The following SELENOW variants were observed in gnomAD, a reference collection of about 807,000 sequenced individuals.
SELENOW encodes selenoprotein W, 1.
Under a neutral mutation model 16.6 loss-of-function variants are expected in SELENOW, and 20 were observed. That is an observed-to-expected ratio of 1.21 (90% confidence interval 0.85 to 1.76). The LOEUF (loss-of-function observed/expected upper bound fraction) is 1.76, where lower values mean the gene tolerates loss of function less well. Among genes scored for constraint, SELENOW ranks in the 40% most tolerant of loss-of-function variants. SELENOW has a pLI of 0.00. For synonymous variants in SELENOW, 44 were observed against 46.2 expected (o/e 0.95, Z 0.19); for missense variants, 124 against 111.0 (o/e 1.12, Z -0.53).
intron 5 of SELENOW, chr19:47,782,401 C>A (rs1438019430): frequency 6.6e-6 from 1 of 152,274 alleles, no homozygotes; most frequent in Non-Finnish European, 1.5e-5. Flanking sequence ...ATGAAATACA[C>A]CACCAGCTCC....
At chr19:47,783,050 A>G (rs1331495484) in intron 5 of SELENOW, 1 of 149,228 alleles carries the variant, frequency 6.7e-6, no homozygotes, top group Non-Finnish European at 1.5e-5. Flanking sequence ...AGCATAGTTT[A>G]TTTTTTGAGG....
At chr19:47,782,986 C>T (rs575742116) in intron 5 of SELENOW, 1 of 152,304 alleles carries the variant, frequency 6.6e-6, no homozygotes, top group African/African-American at 2.4e-5. Flanking sequence ...AAACCCAACC[C>T]ATTCTAGAAC....
At chr19:47,783,222 T>A (rs965014737) in intron 5 of SELENOW, 4 of 150,428 alleles carry the variant, frequency 2.7e-5, no homozygotes, top group African/African-American at 9.8e-5. Context: ...TTTTTTTTTC[T>A]AAGACGGAGT....
At chr19:47,781,641 T>C (rs974355159) in intron 5 of SELENOW, 2 of 532,784 alleles carry the variant, frequency 3.8e-6, no homozygotes, top group African/African-American at 4.0e-5. Flanking sequence ...GGGTCAAAGG[T>C]ATGCAGGATG....
At chr19:47,780,625 C>A in intron 1 of SELENOW, 100 bp from the exon 2 acceptor site, 2 of 976,438 alleles carry the variant, frequency 2.0e-6, no homozygotes, top group Non-Finnish European at 3.2e-6. Flanking sequence ...CTGGCCCCAT[C>A]TTGCTCTCTC....
In SELENOW at chr19:47,784,604, G is replaced by T. The variant is rs1400276418; in HGVS notation, c.*333G>T. On this transcript the variant is annotated 3_prime_UTR_variant, in exon 6 of 6. Coordinates refer to ENST00000601048, the MANE Select transcript of SELENOW (RefSeq NM_003009.4). Reference sequence around the variant, plus strand: ...TCCTTCTCAAGGGGAAGCCAAGAGAGGCATCAGGATGGGTGGGTTTCTGAT... The same window carrying T: ...TCCTTCTCAAGGGGAAGCCAAGAGATGCATCAGGATGGGTGGGTTTCTGAT... 6.6e-6 allele frequency: 1 copy of T among 152,246 alleles called. No individual in the cohort carries two copies. Among genetic ancestry groups the T allele is most frequent in the Non-Finnish European group, 1.5e-5 (1 of 68,060 alleles). The allele number at this position is 152,246 out of a possible 1,614,324, so 9.4% of individuals were successfully genotyped here.
At chr19:47,781,261 C>A (rs1967473022) in intron 4 of SELENOW, 29 bp from the exon 5 acceptor site, 2 of 1,604,874 alleles carry the variant, frequency 1.2e-6, no homozygotes, top group Non-Finnish European at 1.7e-6. Context: ...GGTCCCAGCT[C>A]ACCCCTTCCC....
At chr19:47,779,179 A>T (rs1345020787) in intron 1 of SELENOW, 20 of 250,292 alleles carry the variant, frequency 8.0e-5, no homozygotes, top group Non-Finnish European at 1.4e-4. Context: ...TATCCCGAAC[A>T]GTCGCGGGGT....
At chr19:47,781,860 G>A (rs1599937408) in intron 5 of SELENOW, among the ~76,000 whole-genome samples, 1 of 151,524 alleles carries the variant, frequency 6.6e-6, no homozygotes, top group Non-Finnish European at 1.5e-5. Flanking sequence ...GATGGTGATG[G>A]GTCAGAGATG....
At chr19:47,781,559 G>C in intron 5 of SELENOW, 171 bp downstream of exon 5, 6 of 605,020 alleles carry the variant, frequency 9.9e-6, no homozygotes, top group African/African-American at 1.8e-5. Context: ...CAACTGAGAT[G>C]GGGTCAGAGG....
chr19:47,782,337 T>A (rs1461223986), intron 5 of SELENOW: 1 of 152,188 alleles, frequency 6.6e-6, no homozygotes, highest in Non-Finnish European at 1.5e-5. Flanking sequence ...GAATGGATTG[T>A]CTGCTCCAAA....
chr19:47,780,301 G>A (rs1202492664), intron 1 of SELENOW: 1 of 365,542 alleles, frequency 2.7e-6, no homozygotes, highest in Non-Finnish European at 5.5e-6. Context: ...GTGCTGCGAG[G>A]GCTGTGGGTG....
chr19:47,780,611 CT>C, intron 1 of SELENOW, 113 bp from the exon 2 acceptor site: 1 of 833,770 alleles, frequency 1.2e-6, no homozygotes, highest in Non-Finnish European at 2.0e-6. Context: ...CTCTTTATTT[CT>C]TCCTGGCCCC....
chr19:47,783,772 A>C (rs1026944674), intron 5 of SELENOW: 1 of 152,252 alleles, frequency 6.6e-6, no homozygotes, highest in African/African-American at 2.4e-5. Flanking sequence ...GGTCTGAAAC[A>C]AAGCAAATCC....
rs545864760 is a variant in SELENOW, at chr19:47,781,610, T to C, written c.*18+222T>C. ...CTGAGATGGTGATGGGTCAGAGATA[T>C]GCAGGATGACAGCTGAGATGGGGTC... On this transcript the variant is annotated intron_variant, in intron 5 of 5. Coordinates refer to ENST00000601048, the MANE Select transcript of SELENOW (RefSeq NM_003009.4). The C allele has an allele frequency of 1.0e-4, 59 of 578,754 alleles. No homozygotes were observed. In the Admixed American group the frequency reaches 1.4e-3, roughly 14 times the overall value. The allele number at this position is 578,754 out of a possible 1,614,324, so 35.9% of individuals were successfully genotyped here. A position where few individuals can be genotyped will look rare whatever the true frequency, so the allele number is the denominator to read the frequency against.
Position 47,780,760 on chromosome 19 carries a change from T to G in SELENOW, c.54+11T>G. On this transcript the variant is annotated intron_variant, in intron 2 of 5. Transcript: ENST00000601048. ...GGCTACAAGTCCAAGGTAAGCAGAGTGGATGCCCGGGGGGCATTCCTGGGA... is the reference window on the plus strand; with the variant it reads ...GGCTACAAGTCCAAGGTAAGCAGAGGGGATGCCCGGGGGGCATTCCTGGGA... 2 of 1,543,920 alleles carry G rather than the reference T, an allele frequency of 1.3e-6. No individual in the cohort carries two copies. The highest frequency in any genetic ancestry group is 2.4e-5 in the East Asian group (1 of 41,988).
intron 5 of SELENOW, chr19:47,782,773 G>C (rs1967490918): frequency 6.6e-6 from 1 of 152,210 alleles, no homozygotes; most frequent in Non-Finnish European, 1.5e-5. Flanking sequence ...CACCTGCCTT[G>C]GCCTTCCAAA....
chr19:47,781,640 G>C (rs1967478409), intron 5 of SELENOW: 2 of 542,782 alleles, frequency 3.7e-6, no homozygotes, highest in Non-Finnish European at 6.7e-6. Context: ...GGGGTCAAAG[G>C]TATGCAGGAT....
Position 47,780,718 on chromosome 19 carries a change from C to T in SELENOW, c.30-7C>T. The T allele has an allele frequency of 2.6e-6, 4 of 1,558,214 alleles. No individual in the cohort carries two copies. The highest frequency in any genetic ancestry group is 2.6e-6 in the Non-Finnish European group (3 of 1,150,378). On this transcript the variant is annotated splice_region_variant and splice_polypyrimidine_tract_variant and intron_variant, in intron 1 of 5. Coordinates refer to ENST00000601048, the MANE Select transcript of SELENOW (RefSeq NM_003009.4). ...CTGGGCCCCAATGTCTTGGACTCTC[C>T]TACCAGTGGCGCTTGAGGCTACAAG... is the stretch of plus-strand genomic sequence containing the variant.
Sources: gnomAD v4.1 joint callset for allele counts (sites outside exome capture counted in the v4.1 genomes callset) on GRCh38, gnomAD v4.1.1 for gene constraint, MANE v1.5 for transcripts, NCBI Gene and HGNC (gene_info 2026-07-23, HGNC 2026-07-21) for gene names.